Variants in CAPNS1 observed in about 807,000 individuals in gnomAD.
The protein encoded by CAPNS1 is calpain small subunit 1, also known as CANP small subunit.
A neutral mutation model predicts 39.2 loss-of-function variants in CAPNS1; 32 were observed. The ratio of observed to expected loss-of-function variants is 0.82; its 90% CI spans 0.62 to 1.10. CAPNS1 has a LOEUF of 1.10. CAPNS1 is among the 50% of genes least tolerant of loss of function. CAPNS1 has a pLI of 0.00. For synonymous variants in CAPNS1, 153 were observed against 136.2 expected, an observed-to-expected ratio of 1.12 and a Z score of -0.86; for missense variants, 353 against 373.1, an observed-to-expected ratio of 0.95 and a Z score of 0.44.
rs1974401540 is a variant in CAPNS1 at position 36,142,280 on chromosome 19, TC to T, written c.210-15del. Reference sequence around the variant, plus strand: ...AGGCCCCGCCCCTGGCACTAACCCCTCCCCCTTATCTCTTCGCAGCGAGGCG... The same window carrying T: ...AGGCCCCGCCCCTGGCACTAACCCCTCCCCTTATCTCTTCGCAGCGAGGCG... On this transcript the variant is annotated intron_variant, in intron 2 of 10. Coordinates refer to ENST00000246533, the MANE Select transcript of CAPNS1 (RefSeq NM_001749.4). The T allele has an allele frequency of 1.9e-6, 3 of 1,541,978 alleles. No homozygotes were observed. The highest frequency in any genetic ancestry group is 1.8e-6 in the Non-Finnish European group (2 of 1,127,106).
At position 36,141,182 on chromosome 19, in the gene CAPNS1, G is replaced by C; in HGVS notation, c.171G>C (p.Thr57=). Residue 57 remains threonine (T), a synonymous_variant, in exon 2 of 11, where the codon ACG becomes ACC. Transcript: ENST00000246533. ...GGGGGGGGGG[T]AMRILGGVIS... is the part of the protein sequence containing the mutation. ...GTGGAGGCGGCGGTGGCGGTGGAACGGCCATGCGCATCCTAGGCGGAGTCA... is the reference window on the plus strand; with the variant it reads ...GTGGAGGCGGCGGTGGCGGTGGAACCGCCATGCGCATCCTAGGCGGAGTCA... 2.8e-6 allele frequency: 4 copies of C among 1,432,582 alleles called. No individual in the cohort carries two copies. Among genetic ancestry groups the C allele is most frequent in the East Asian group, 2.9e-5 (1 of 34,624 alleles). 88.7% of individuals were successfully genotyped at this position (1,432,582 alleles called of 1,614,324 possible).
chr19:36,141,054 G>A lies in CAPNS1; in HGVS notation c.43G>A (p.Gly15Ser). 1 of 1,529,462 alleles carries A rather than the reference G, an allele frequency of 6.5e-7. No individual in the cohort carries two copies. Among genetic ancestry groups the A allele is most frequent in the Non-Finnish European group, 8.8e-7 (1 of 1,135,298 alleles). The allele number at this position is 1,529,462 out of a possible 1,614,324, so 94.7% of individuals were successfully genotyped here. Reference protein sequence around the residue: ...NSFLKGGGGGGGGGGGLGGGL... With the variant: ...NSFLKGGGGGSGGGGGLGGGL... ...GTTCTTGAAGGGCGGCGGCGGCGGC[G>A]GCGGGGGAGGCGGGGGCCTGGGTGG... Residue 15 changes from glycine to serine, a missense_variant, in exon 2 of 11, where the codon GGC (glycine) becomes AGC (serine). Physicochemically the swap from Gly to Ser is moderately conservative, Grantham distance 56 (BLOSUM62 0). Coordinates refer to ENST00000246533, the MANE Select transcript of CAPNS1 (RefSeq NM_001749.4).
intron 9 of CAPNS1, among the ~76,000 whole-genome samples, chr19:36,149,295 G>A (rs547291058): frequency 1.6e-4 from 25 of 152,224 alleles, no homozygotes; most frequent in African/African-American, 5.1e-4. Flanking sequence ...ACTCCTGGGC[G>A]GCTCAAGTGA....
intron 9 of CAPNS1, among the ~76,000 whole-genome samples, chr19:36,146,624 G>T (rs527839413): frequency 1.3e-5 from 2 of 152,172 alleles, no homozygotes; most frequent in South Asian, 4.1e-4. Context: ...TGCTCAGATT[G>T]TGCTTGGGGA....
chr19:36,149,824 G>A lies in CAPNS1; in HGVS notation c.792G>A (p.Leu264=). The A allele has an allele frequency of 6.7e-7, 1 of 1,492,744 alleles. No individual in the cohort carries two copies. The highest frequency in any genetic ancestry group is 9.0e-7 in the Non-Finnish European group (1 of 1,115,596). The allele number at this position is 1,492,744 out of a possible 1,614,324, so 92.5% of individuals were successfully genotyped here. A position where few individuals can be genotyped will look rare whatever the true frequency, so the allele number is the denominator to read the frequency against. Residue 264 remains leucine, a synonymous_variant, in exon 11 of 11, where the codon CTG becomes CTA. Transcript: ENST00000246533. ...CCTCCTCTCCCCAGTGGCTGCAGCT[G>A]ACTATGTATTCCTGAACTGGAGCCC... The part of the protein sequence containing the change: ...IQVNIQEWLQ[L]TMYS
rs1974561073 is a variant in CAPNS1 at position 36,146,204 on chromosome 19, C to T, written c.613C>T (p.Leu205=). ...PGAFEAAGFH[L]NEHLYNMIIR... The stretch of plus-strand genomic sequence containing the variant: ...GACTACATCCATCTTAGGGTTCCAC[C>T]TGAATGAGCATCTCTATAACATGAT... Residue 205 remains leucine, a synonymous_variant, in exon 9 of 11, where the codon CTG becomes TTG. Coordinates refer to ENST00000246533, the MANE Select transcript of CAPNS1 (RefSeq NM_001749.4). 1 of 1,612,228 alleles carries T rather than the reference C, an allele frequency of 6.2e-7. No individual in the cohort carries two copies. The highest frequency in any genetic ancestry group is 1.7e-5 in the Admixed American group (1 of 60,006).
intron 6 of CAPNS1, 52 bp from the exon 7 acceptor site, chr19:36,145,754 T>A (rs780186445): frequency 1.4e-5 from 20 of 1,447,944 alleles, no homozygotes; most frequent in Non-Finnish European, 1.9e-5. Context: ...ACAGTGCATG[T>A]GATGCATGCA....
rs1178112136 is a variant in CAPNS1 at position 36,142,304 on chromosome 19, G to T, written c.214G>T (p.Ala72Ser). ...LGGVISAISE[A>S]AAQYNPEPPP... ...CTCCCCCTTATCTCTTCGCAGCGAG[G>T]CGGCTGCGCAGTACAACCCGGAGCC... is the stretch of plus-strand genomic sequence containing the variant. Residue 72 changes from alanine to serine, a missense_variant, in exon 3 of 11, where the codon GCG becomes TCG. Physicochemically the swap from Ala to Ser is moderately conservative, Grantham distance 99. Coordinates refer to ENST00000246533, the MANE Select transcript of CAPNS1 (RefSeq NM_001749.4). The T allele has an allele frequency of 6.3e-7, 1 of 1,595,058 alleles. No homozygotes were observed. Among genetic ancestry groups the T allele is most frequent in the African/African-American group, 1.4e-5 (1 of 74,042 alleles).
chr19:36,146,803 G>A (rs1291371951), intron 9 of CAPNS1, among the ~76,000 whole-genome samples: 1 of 152,136 alleles, frequency 6.6e-6, no homozygotes, highest in Non-Finnish European at 1.5e-5. Flanking sequence ...AGGCCTAGAA[G>A]GGAAAGAAGA....
rs536693322 is a variant in CAPNS1 at position 36,141,122 on chromosome 19, GGGCGGCGGCGGCGGCGGCGGC to G, written c.123_143del (p.Gly50_Gly56del). ...TTGGAGGCCTGATCAGCGGGGCCGG[GGGCGGCGGCGGCGGCGGCGGC>G]GGCGGCGGCGGTGGTGGAGGCGGCG... On this transcript the variant is annotated inframe_deletion, in exon 2 of 11. Coordinates refer to ENST00000246533, the MANE Select transcript of CAPNS1 (RefSeq NM_001749.4). 27 of 1,321,524 alleles carry G rather than the reference GGGCGGCGGCGGCGGCGGCGGC, an allele frequency of 2.0e-5. No homozygotes were observed. Among genetic ancestry groups the G allele is most frequent in the East Asian group, 3.2e-5 (1 of 31,650 alleles). The allele number at this position is 1,321,524 out of a possible 1,614,324, so 81.9% of individuals were successfully genotyped here. A position where few individuals can be genotyped will look rare whatever the true frequency, so the allele number is the denominator to read the frequency against.
At chr19:36,144,983 A>T (rs1599880610) in intron 6 of CAPNS1, among the ~76,000 whole-genome samples, 1 of 152,302 alleles carries the variant, frequency 6.6e-6, no homozygotes, top group South Asian at 2.1e-4. Context: ...CTTCTCTGGA[A>T]ATAGTCCTGG....
At chr19:36,147,865 G>T (rs1245363145) in intron 9 of CAPNS1, among the ~76,000 whole-genome samples, 1 of 152,022 alleles carries the variant, frequency 6.6e-6, no homozygotes, top group Non-Finnish European at 1.5e-5. Context: ...CTGAGGTCAG[G>T]AGTTCAAGAC....
Position 36,146,203 on chromosome 19 carries a change from C to T in CAPNS1, c.612C>T (p.His204=), listed in dbSNP as rs150977927. Residue 204 remains histidine (H), a synonymous_variant, in exon 9 of 11, where the codon CAC becomes CAT. Transcript: ENST00000246533. ...GGACTACATCCATCTTAGGGTTCCA[C>T]CTGAATGAGCATCTCTATAACATGA... ...LPGAFEAAGF[H]LNEHLYNMII... The T allele has an allele frequency of 2.5e-6, 4 of 1,612,126 alleles. No individual in the cohort carries two copies. The East Asian group carries it at 6.7e-5, about 27-fold the overall frequency.
rs763416551 is a variant in CAPNS1 at position 36,141,119 on chromosome 19, CG to C, written c.113del (p.Gly38AlafsTer25). On this transcript the variant is annotated frameshift_variant, in exon 2 of 11. Coordinates refer to ENST00000246533, the MANE Select transcript of CAPNS1 (RefSeq NM_001749.4). LOFTEE classifies it high-confidence loss of function. ...NVLGGLISGA[G>X]GGGGGGGGGG... is the part of the protein sequence containing the mutation. The stretch of plus-strand genomic sequence containing the variant: ...TGCTTGGAGGCCTGATCAGCGGGGC[CG>C]GGGGCGGCGGCGGCGGCGGCGGCGG... 5 of 1,365,074 alleles carry C rather than the reference CG, an allele frequency of 3.7e-6. No individual in the cohort carries two copies. Among genetic ancestry groups the C allele is most frequent in the South Asian group, 1.7e-5 (1 of 57,596 alleles). The allele number at this position is 1,365,074 out of a possible 1,614,324, so 84.6% of individuals were successfully genotyped here. A position where few individuals can be genotyped will look rare whatever the true frequency, so the allele number is the denominator to read the frequency against.
At position 36,142,341 on chromosome 19, in the gene CAPNS1, C is replaced by G. The variant is rs1271574853; in HGVS notation, c.243+8C>G. 1 of 1,501,622 alleles carries G rather than the reference C, an allele frequency of 6.7e-7. No individual in the cohort carries two copies. Among genetic ancestry groups the G allele is most frequent in the Non-Finnish European group, 9.1e-7 (1 of 1,099,918 alleles). 93.0% of individuals were successfully genotyped at this position (1,501,622 alleles called of 1,614,324 possible). A position where few individuals can be genotyped will look rare whatever the true frequency, so the allele number is the denominator to read the frequency against. ...TACAACCCGGAGCCCCCGGTAAGCC[C>G]CCTCTGCAACCAGACCCCCTTCTCC... On this transcript the variant is annotated splice_region_variant and intron_variant, in intron 3 of 10. Coordinates refer to ENST00000246533, the MANE Select transcript of CAPNS1 (RefSeq NM_001749.4).
At chr19:36,140,750 T>C in intron 1 of CAPNS1, 2 of 423,092 alleles carry the variant, frequency 4.7e-6, no homozygotes, top group South Asian at 4.0e-5. Flanking sequence ...ATCTGCACCC[T>C]CCCCTTCACG....
intron 3 of CAPNS1, 147 bp from the exon 4 acceptor site, chr19:36,142,505 C>G (rs1268588374): frequency 1.4e-6 from 1 of 714,844 alleles, no homozygotes; most frequent in African/African-American, 1.8e-5. Flanking sequence ...GCCCCACATA[C>G]GTGCACCCCA....
rs17878750 is a variant in CAPNS1 at position 36,146,261 on chromosome 19, A to G, written c.670A>G (p.Met224Val). The G allele has an allele frequency of 1.6e-5, 26 of 1,614,040 alleles. No individual in the cohort carries two copies. Among genetic ancestry groups the G allele is most frequent in the East Asian group, 2.2e-5 (1 of 44,896 alleles). The change falls in exon 9 of 11, where the codon ATG (methionine) becomes GTG (valine). Residue 224 changes from methionine to valine, a missense_variant. By Grantham distance (21) the Met-to-Val change is conservative. Coordinates refer to ENST00000246533, the MANE Select transcript of CAPNS1 (RefSeq NM_001749.4). ...ACGCTACTCAGATGAAAGTGGGAAC[A>G]TGGATTTTGACAACTTCATCAGCTG... is the stretch of plus-strand genomic sequence containing the variant. ...IRRYSDESGN[M>V]DFDNFISCLV...
intron 6 of CAPNS1, among the ~76,000 whole-genome samples, chr19:36,144,794 G>T (rs1351682282): frequency 6.6e-6 from 1 of 152,166 alleles, no homozygotes; most frequent in Non-Finnish European, 1.5e-5. Context: ...TCTTAACCAG[G>T]TTATTGAACC....
Sources: gnomAD v4.1 joint callset for allele counts (sites outside exome capture counted in the v4.1 genomes callset) on GRCh38, gnomAD v4.1.1 for gene constraint, MANE v1.5 for transcripts, NCBI Gene and HGNC (gene_info 2026-07-23, HGNC 2026-07-21) for gene names.